The following STK38L variants were observed in gnomAD, a reference collection of about 807,000 sequenced individuals.
The protein encoded by STK38L is serine/threonine-protein kinase 38-like.
Under a neutral mutation model 59.7 loss-of-function variants are expected in STK38L, and 28 were observed. The observed-to-expected ratio is 0.47, with a 90% CI of 0.35 to 0.64. The LOEUF is 0.64. Among genes scored for constraint, STK38L ranks in the 30% least tolerant of loss-of-function variants. The pLI is 0.01. For missense variants in STK38L, 314 were observed against 555.8 expected (o/e 0.56, Z 4.37); for synonymous variants, 162 against 176.8 (o/e 0.92, Z 0.66).
chr12:27,277,308 G>A (rs973697733), intron 1 of STK38L, among the ~76,000 whole-genome samples: 3 of 151,672 alleles, frequency 2.0e-5, no homozygotes, highest in Non-Finnish European at 4.4e-5. Context: ...TGAGCCTAGG[G>A]CTTTGAGACC....
At chr12:27,269,496 C>T (rs192242855) in intron 1 of STK38L, among the ~76,000 whole-genome samples, 1 of 152,098 alleles carries the variant, frequency 6.6e-6, no homozygotes, top group South Asian at 2.1e-4. Context: ...GTTTTGGTAC[C>T]AGTACCATGC....
intron 1 of STK38L, among the ~76,000 whole-genome samples, chr12:27,286,987 T>C (rs1565537814): frequency 6.6e-6 from 1 of 152,268 alleles, no homozygotes; most frequent in Non-Finnish European, 1.5e-5. Flanking sequence ...AACAGTGTTA[T>C]GTATCCATTT....
intron 1 of STK38L, among the ~76,000 whole-genome samples, chr12:27,246,012 T>C (rs1000369964): frequency 1.8e-4 from 27 of 152,306 alleles, no homozygotes; most frequent in African/African-American, 6.0e-4. Context: ...GAAGCAGTTT[T>C]TCTCTAGCCA....
chr12:27,285,874 G>A (rs956964172), intron 1 of STK38L, among the ~76,000 whole-genome samples: 7 of 152,152 alleles, frequency 4.6e-5, no homozygotes, highest in Non-Finnish European at 8.8e-5. Flanking sequence ...AAGACTTGAA[G>A]ATAATTTAGC....
Position 27,252,072 on chromosome 12 carries a change from C to T in STK38L, c.-12+7740C>T, listed in dbSNP as rs570957107. Among the ~76,000 whole-genome samples, 311 of 152,228 alleles carry T rather than the reference C, an allele frequency of 2.0e-3. 2 individuals are homozygous for T. Among genetic ancestry groups the T allele is most frequent in the Middle Eastern group, 6.8e-3 (2 of 294 alleles). Reference sequence around the variant, plus strand: ...TCAGCTCACTGCAAGCTCTGCCTCCCGGGTTCACGCCATTCTCCTGCCTCA... The same window carrying T: ...TCAGCTCACTGCAAGCTCTGCCTCCTGGGTTCACGCCATTCTCCTGCCTCA... On this transcript the variant is annotated intron_variant, in intron 1 of 13. Transcript: ENST00000389032.
At chr12:27,319,633 A>G (rs868112110) in intron 12 of STK38L, among the ~76,000 whole-genome samples, 11 of 152,228 alleles carry the variant, frequency 7.2e-5, no homozygotes, top group Middle Eastern at 3.2e-3. Context: ...TTCAGGGAAG[A>G]ACATTGGGAA....
rs774606955 is a variant in STK38L, at chr12:27,306,545, A to G, written c.187-1794A>G. On this transcript the variant is annotated intron_variant, in intron 3 of 13. Coordinates refer to ENST00000389032, the MANE Select transcript of STK38L (RefSeq NM_015000.4). ...CTATGTGCAAAAAAGGGTATTTGTCATTGCATTTAGGTAAAAAGCAGCAAA... is the reference window on the plus strand; with the variant it reads ...CTATGTGCAAAAAAGGGTATTTGTCGTTGCATTTAGGTAAAAAGCAGCAAA... 2.0e-4 allele frequency among the ~76,000 whole-genome samples: 31 copies of G among 152,172 alleles called. 1 individual carries two copies. Among genetic ancestry groups the G allele is most frequent in the Admixed American group, 3.3e-4 (5 of 15,278 alleles).
In STK38L at chr12:27,297,765, C is replaced by A; in HGVS notation, c.45C>A (p.Asn15Lys). 8 of 1,614,036 alleles carry A rather than the reference C, an allele frequency of 5.0e-6. No individual in the cohort carries two copies. Among genetic ancestry groups the A allele is most frequent in the Non-Finnish European group, 6.8e-6 (8 of 1,179,968 alleles). The change falls in exon 2 of 14, where the codon AAC (asparagine) becomes AAA (lysine). Residue 15 changes from asparagine (N) to lysine (K), a missense_variant. Around this residue, in one of 3 missense-constraint regions of STK38L, gnomAD observed 192 missense variants for 316.9 expected, o/e 0.61. Coordinates refer to ENST00000389032, the MANE Select transcript of STK38L (RefSeq NM_015000.4). ...AGTTTTFPMS[N>K]HTRERVTVAK... is the part of the protein sequence containing the mutation. ...CTACAACAACCTTTCCTATGAGCAA[C>A]CATACCCGGGAAAGAGTGACTGTAG... is the stretch of plus-strand genomic sequence containing the variant.
intron 1 of STK38L, among the ~76,000 whole-genome samples, chr12:27,277,233 ATTAC>A (rs71039804): frequency 0.13 from 19,987 of 152,072 alleles, 1,526 homozygotes; most frequent in Middle Eastern, 0.24. Context: ...AGTACGAGTA[ATTAC>A]TCGTACTTTT....
At chr12:27,274,889 T>C (rs1229488520) in intron 1 of STK38L, among the ~76,000 whole-genome samples, 1 of 152,222 alleles carries the variant, frequency 6.6e-6, no homozygotes, top group African/African-American at 2.4e-5. Context: ...CCGCTAACCC[T>C]GCCCCAGTTC....
intron 11 of STK38L, among the ~76,000 whole-genome samples, chr12:27,318,246 T>C (rs878960189): frequency 3.3e-5 from 5 of 152,226 alleles, no homozygotes; most frequent in African/African-American, 9.7e-5. Context: ...GTTACTGATA[T>C]ATATAAAAGC....
At chr12:27,245,917 A>C (rs952299006) in intron 1 of STK38L, 1 of 152,190 alleles carries the variant, frequency 6.6e-6, no homozygotes, top group African/African-American at 2.4e-5. Flanking sequence ...AATGAGAAGC[A>C]AAGTTGGGTG....
chr12:27,250,324 A>G (rs1294866906), intron 1 of STK38L, among the ~76,000 whole-genome samples: 2 of 152,262 alleles, frequency 1.3e-5, no homozygotes, highest in East Asian at 1.9e-4. Context: ...CACCAATTCA[A>G]GAGACACAGT....
At chr12:27,289,403 A>G (rs933578964) in intron 1 of STK38L, among the ~76,000 whole-genome samples, 14 of 152,254 alleles carry the variant, frequency 9.2e-5, no homozygotes, top group African/African-American at 1.4e-4. Flanking sequence ...ATTTGGACCA[A>G]TAAACTCAGG....
rs1943481612 is a variant in STK38L at position 27,274,116 on chromosome 12, A to C, written c.-11-23594A>C. Among the ~76,000 whole-genome samples, 3 of 151,810 alleles carry C rather than the reference A, an allele frequency of 2.0e-5. No individual in the cohort carries two copies. The South Asian group carries it at 6.2e-4, about 32-fold the overall frequency. ...AAAAATACAAAAATTAGCTGGGCGT[A>C]GTGGTGCACACCGGTAATCCCAGTT... is the stretch of plus-strand genomic sequence containing the variant. On this transcript the variant is annotated intron_variant, in intron 1 of 13. Coordinates refer to ENST00000389032, the MANE Select transcript of STK38L (RefSeq NM_015000.4).
intron 1 of STK38L, among the ~76,000 whole-genome samples, chr12:27,252,830 A>G (rs1591843431): frequency 6.6e-6 from 1 of 152,344 alleles, no homozygotes; most frequent in Admixed American, 6.5e-5. Flanking sequence ...TAGTGAGGTT[A>G]ATCATCATAA....
At chr12:27,320,588 C>A (rs957278991) in intron 12 of STK38L, among the ~76,000 whole-genome samples, 2 of 151,624 alleles carry the variant, frequency 1.3e-5, no homozygotes, top group African/African-American at 4.8e-5. Flanking sequence ...CCCACTCTGC[C>A]TGTTGTAATA....
intron 1 of STK38L, among the ~76,000 whole-genome samples, chr12:27,253,657 A>G (rs987039949): frequency 6.6e-6 from 1 of 152,170 alleles, no homozygotes; most frequent in African/African-American, 2.4e-5. Flanking sequence ...GGAGAGGGGC[A>G]CCTACTTGGG....
chr12:27,314,801 G>A, intron 7 of STK38L, 143 bp downstream of exon 7: 1 of 1,020,938 alleles, frequency 9.8e-7, no homozygotes, highest in Non-Finnish European at 1.4e-6. Flanking sequence ...GAGGACTTGG[G>A]AATTAAATGA....
Sources: allele counts gnomAD v4.1 joint callset (sites outside exome capture counted in the v4.1 genomes callset), GRCh38; gene constraint gnomAD v4.1.1; regional missense constraint gnomAD v4.1.1; transcripts MANE v1.5; gene names NCBI Gene and HGNC (gene_info 2026-07-23, HGNC 2026-07-21).